Variants in LRRC69 observed in about 807,000 individuals in gnomAD.
The protein encoded by LRRC69 is leucine-rich repeat-containing protein 69.
LRRC69 carries 42 observed loss-of-function variants against 37.8 expected under a neutral mutation model. That is an observed-to-expected ratio of 1.11 (90% CI 0.87 to 1.44). LRRC69 has a LOEUF of 1.44. Ranked by LOEUF, LRRC69 falls within the 40% of genes most tolerant of loss-of-function variation. The probability of loss-of-function intolerance (pLI) is 0.00; values close to 1 mark genes in which losing one functional copy is unlikely to be tolerated. For missense variants in LRRC69, 357 were observed against 401.9 expected, an observed-to-expected ratio of 0.89 and a Z score of 0.96; for synonymous variants, 141 against 143.1, an observed-to-expected ratio of 0.99 and a Z score of 0.11.
intron 3 of LRRC69, 38 bp from the exon 4 acceptor site, chr8:91,133,072 A>G (rs1355197693): frequency 3.2e-6 from 4 of 1,266,878 alleles, no homozygotes; most frequent in Non-Finnish European, 3.2e-6. Flanking sequence ...TATTCTTGTG[A>G]GTTTCATTCA....
At chr8:91,172,125 T>A (rs1041862983) in intron 5 of LRRC69, among the ~76,000 whole-genome samples, 7 of 152,138 alleles carry the variant, frequency 4.6e-5, no homozygotes, top group African/African-American at 1.4e-4. Flanking sequence ...ACTGGCTATT[T>A]AGCCTTGATA....
chr8:91,164,245 C>A (rs770382987), intron 5 of LRRC69, among the ~76,000 whole-genome samples: 7 of 151,494 alleles, frequency 4.6e-5, no homozygotes, highest in Non-Finnish European at 8.8e-5. Flanking sequence ...TGATTAGAGG[C>A]AGTAAATATG....
intron 5 of LRRC69, among the ~76,000 whole-genome samples, chr8:91,148,546 TG>T (rs1808666689): frequency 6.6e-6 from 1 of 152,000 alleles, no homozygotes; most frequent in Non-Finnish European, 1.5e-5. Flanking sequence ...TAAACATACA[TG>T]TGCATGTGTC....
At chr8:91,153,524 G>A (rs4515506) in intron 5 of LRRC69, among the ~76,000 whole-genome samples, 3 of 151,626 alleles carry the variant, frequency 2.0e-5, no homozygotes, top group South Asian at 2.1e-4. Context: ...CTCTCAGACC[G>A]CTGTGCAATC....
chr8:91,124,500 C>T (rs11785003), exon 2 of LRRC69: 829,032 of 1,524,576 alleles, frequency 0.54, 232,557 homozygotes, highest in South Asian at 0.63. Flanking sequence ...CAGTTGACAA[C>T]ACTAAATCTG....
At chr8:91,157,899 G>A in intron 5 of LRRC69, 1 of 1,580,338 alleles carries the variant, frequency 6.3e-7, no homozygotes, top group Non-Finnish European at 8.7e-7. Flanking sequence ...TTTTACATAG[G>A]CTCAAAGTAC....
chr8:91,183,107 G>A (rs1425404793), intron 5 of LRRC69, among the ~76,000 whole-genome samples: 1 of 152,136 alleles, frequency 6.6e-6, no homozygotes, highest in Non-Finnish European at 1.5e-5. Flanking sequence ...GTGTGACTGG[G>A]GCTCACAGAT....
In LRRC69 at chr8:91,197,505, C is replaced by T. The variant is rs543072341; in HGVS notation, c.754-3108C>T. 3.9e-5 allele frequency among the ~76,000 whole-genome samples: 6 copies of T among 152,008 alleles called. No homozygotes were observed. The South Asian group carries it at 6.3e-4, about 16-fold the overall frequency. On this transcript the variant is annotated intron_variant, in intron 6 of 7. Coordinates refer to ENST00000448384, the Ensembl canonical transcript of LRRC69. ...CTAGCAATCAGCGAGACTCCGTGGG[C>T]GTAGGACCCTCCGAGCCAGGTGCGG...
rs1813684797 is a variant in LRRC69 at position 91,124,478 on chromosome 8, TC to T, written c.184-14del. 2.0e-6 allele frequency: 3 copies of T among 1,519,432 alleles called. No homozygotes were observed. In the African/African-American group the frequency reaches 4.2e-5, roughly 21 times the overall value. The allele number at this position is 1,519,432 out of a possible 1,614,324, so 94.1% of individuals were successfully genotyped here. A position where few individuals can be genotyped will look rare whatever the true frequency, so the allele number is the denominator to read the frequency against. ...GGATGATATATGAGTCCATTAAACCTCTATATGTTTGCAGTTGACAACACTA... is the reference window on the plus strand; with the variant it reads ...GGATGATATATGAGTCCATTAAACCTTATATGTTTGCAGTTGACAACACTA... On this transcript the variant is annotated splice_polypyrimidine_tract_variant and intron_variant, in intron 1 of 7. Transcript: ENST00000448384.
intron 5 of LRRC69, among the ~76,000 whole-genome samples, chr8:91,136,485 G>T (rs1808421166): frequency 6.6e-6 from 1 of 151,880 alleles, no homozygotes; most frequent in Non-Finnish European, 1.5e-5. Context: ...AAAAAGTATA[G>T]TTTTTAAATT....
rs1243767689 is a variant in LRRC69 at position 91,143,600 on chromosome 8, C to T, written c.651+7861C>T. Among the ~76,000 whole-genome samples the T allele has an allele frequency of 4.0e-5, 6 of 151,820 alleles. No homozygotes were observed. In the South Asian group the frequency reaches 8.3e-4, roughly 21 times the overall value. On this transcript the variant is annotated intron_variant, in intron 5 of 7. Coordinates refer to ENST00000448384, the Ensembl canonical transcript of LRRC69. ...TTTTTATAAGAAAAAAAACATAAAGCGGGAAAGCCTCATACAATGTTGTCA... is the reference window on the plus strand; with the variant it reads ...TTTTTATAAGAAAAAAAACATAAAGTGGGAAAGCCTCATACAATGTTGTCA...
chr8:91,142,115 T>C (rs1808542384), intron 5 of LRRC69, among the ~76,000 whole-genome samples: 1 of 152,034 alleles, frequency 6.6e-6, no homozygotes, highest in South Asian at 2.1e-4. Context: ...AGCTCCTCTT[T>C]CCCTCAGGAG....
chr8:91,171,942 C>A (rs1809139751), intron 5 of LRRC69, among the ~76,000 whole-genome samples: 1 of 109,516 alleles, frequency 9.1e-6, no homozygotes, highest in Admixed American at 8.4e-5. Context: ...TCCACATGCA[C>A]ATGGAGGTTT....
intron 5 of LRRC69, among the ~76,000 whole-genome samples, chr8:91,156,524 A>G (rs944800029): frequency 6.6e-6 from 1 of 151,088 alleles, no homozygotes; most frequent in Non-Finnish European, 1.5e-5. Context: ...TCTACAAGTT[A>G]TCTCTTCACT....
rs1808626235 is a variant in LRRC69 at position 91,146,747 on chromosome 8, C to G, written c.651+11008C>G. The stretch of plus-strand genomic sequence containing the variant: ...GCTTTGCTCCTCTGAAAAATCAAAA[C>G]TAATTTGTCACAATTAATAATAAAG... On this transcript the variant is annotated intron_variant, in intron 5 of 7. Transcript: ENST00000448384. Among the ~76,000 whole-genome samples, 3 of 151,768 alleles carry G rather than the reference C, an allele frequency of 2.0e-5. No homozygotes were observed. The Admixed American group carries it at 2.0e-4, about 10-fold the overall frequency.
intron 5 of LRRC69, among the ~76,000 whole-genome samples, chr8:91,143,265 A>G (rs545328581): frequency 6.6e-6 from 1 of 152,034 alleles, no homozygotes; most frequent in Non-Finnish European, 1.5e-5. Context: ...TGTCTTTTTA[A>G]AGTTCACCCT....
At chr8:91,117,815 T>C (rs1215881897) in intron 1 of LRRC69, among the ~76,000 whole-genome samples, 1 of 151,872 alleles carries the variant, frequency 6.6e-6, no homozygotes, top group Non-Finnish European at 1.5e-5. Context: ...CACTAACATA[T>C]GTGCTATGAG....
chr8:91,212,682 C>T (rs929221872), intron 7 of LRRC69, among the ~76,000 whole-genome samples: 2 of 152,074 alleles, frequency 1.3e-5, no homozygotes, highest in African/African-American at 4.8e-5. Context: ...CTGATCATTT[C>T]AACCAGTCAA....
intron 5 of LRRC69, among the ~76,000 whole-genome samples, chr8:91,141,665 C>T (rs767494408): frequency 2.4e-4 from 37 of 152,118 alleles, no homozygotes; most frequent in Admixed American, 6.5e-4. Flanking sequence ...GAAGAAATCT[C>T]TAAACATTGA....
Sources: gnomAD v4.1 joint callset for allele counts (sites outside exome capture counted in the v4.1 genomes callset) on GRCh38, gnomAD v4.1.1 for gene constraint, MANE v1.5 for transcripts, NCBI Gene and HGNC (gene_info 2026-07-23, HGNC 2026-07-21) for gene names.